The following ST6GALNAC3 variants were observed in gnomAD, a reference collection of about 807,000 sequenced individuals.
ST6GALNAC3 encodes the protein alpha-N-acetylgalactosaminide alpha-2,6-sialyltransferase 3.
Under a neutral mutation model 32.7 loss-of-function variants are expected in ST6GALNAC3, and 25 were observed. That is an observed-to-expected ratio of 0.76 (90% confidence interval 0.56 to 1.07). The LOEUF (loss-of-function observed/expected upper bound fraction) is 1.07, where lower values mean the gene tolerates loss of function less well. Among genes scored for constraint, ST6GALNAC3 ranks in the 50% least tolerant of loss-of-function variants. The pLI is 0.00. For missense variants in ST6GALNAC3, 355 were observed against 382.4 expected (o/e 0.93, Z 0.60); for synonymous variants, 129 against 133.1 (o/e 0.97, Z 0.21).
At chr1:76,578,974 G>A (rs1273077340) in intron 3 of ST6GALNAC3, among the ~76,000 whole-genome samples, 1 of 151,956 alleles carries the variant, frequency 6.6e-6, no homozygotes, top group African/African-American at 2.4e-5. Context: ...GAGCAAGAGT[G>A]AGTTTCTATT....
chr1:76,095,808 C>T (rs1647121627), intron 1 of ST6GALNAC3, among the ~76,000 whole-genome samples: 1 of 152,164 alleles, frequency 6.6e-6, no homozygotes, highest in Non-Finnish European at 1.5e-5. Flanking sequence ...TGTCCTCCCT[C>T]ATCTCCACTC....
At chr1:76,218,029 C>T (rs1179668572) in intron 1 of ST6GALNAC3, among the ~76,000 whole-genome samples, 1 of 151,756 alleles carries the variant, frequency 6.6e-6, no homozygotes, top group Non-Finnish European at 1.5e-5. Flanking sequence ...TAGGTAGATA[C>T]CCAGGAGTGG....
At chr1:76,474,808 A>T (rs533039513) in intron 3 of ST6GALNAC3, among the ~76,000 whole-genome samples, 1 of 152,244 alleles carries the variant, frequency 6.6e-6, no homozygotes, top group South Asian at 2.1e-4. Context: ...TTGTGAAGAG[A>T]AAAAGCCAAC....
intron 1 of ST6GALNAC3, among the ~76,000 whole-genome samples, chr1:76,106,213 G>A (rs1046706661): frequency 6.6e-6 from 1 of 152,096 alleles, no homozygotes; most frequent in African/African-American, 2.4e-5. Flanking sequence ...GAAATCCAAT[G>A]GGAAATTTTT....
chr1:76,545,268 C>T (rs914199824), intron 3 of ST6GALNAC3, among the ~76,000 whole-genome samples: 9 of 152,314 alleles, frequency 5.9e-5, no homozygotes, highest in African/African-American at 1.9e-4. Flanking sequence ...ATTGCAAAAT[C>T]TGTGTCTATG....
At chr1:76,170,399 C>T (rs1652410801) in intron 1 of ST6GALNAC3, among the ~76,000 whole-genome samples, 1 of 152,132 alleles carries the variant, frequency 6.6e-6, no homozygotes, top group South Asian at 2.1e-4. Context: ...CAGATGCAGG[C>T]CTGGGTGCCT....
intron 1 of ST6GALNAC3, among the ~76,000 whole-genome samples, chr1:76,191,852 A>G (rs1227840212): frequency 6.6e-6 from 1 of 151,626 alleles, no homozygotes; most frequent in Non-Finnish European, 1.5e-5. Flanking sequence ...GTATTGAGGA[A>G]ACTGGAAAAT....
Position 76,633,738 on chromosome 1 carries a change from C to T in ST6GALNAC3, c.*4932C>T, listed in dbSNP as rs1453004836. The stretch of plus-strand genomic sequence containing the variant: ...GTGACCTTTGAGCCCAGATACCCTT[C>T]TAGAAGGTGAATGAAAGCCCCACAT... On this transcript the variant is annotated 3_prime_UTR_variant, in exon 5 of 5. Transcript: ENST00000328299. 6.6e-6 allele frequency: 1 copy of T among 152,180 alleles called. No individual in the cohort carries two copies. The highest frequency in any genetic ancestry group is 1.9e-4 in the East Asian group (1 of 5,200). 9.4% of individuals were successfully genotyped at this position (152,180 alleles called of 1,614,324 possible). A position where few individuals can be genotyped will look rare whatever the true frequency, so the allele number is the denominator to read the frequency against.
intron 3 of ST6GALNAC3, among the ~76,000 whole-genome samples, chr1:76,453,742 T>C (rs1657570726): frequency 6.6e-6 from 1 of 152,172 alleles, no homozygotes; most frequent in South Asian, 2.1e-4. Context: ...ATAAATAGAA[T>C]GTATATTCTG....
chr1:76,628,290 C>G (rs1649101989), intron 4 of ST6GALNAC3, among the ~76,000 whole-genome samples: 2 of 151,954 alleles, frequency 1.3e-5, no homozygotes, highest in Non-Finnish European at 2.9e-5. Flanking sequence ...CAATATCTTA[C>G]TGTGAAAAAT....
intron 3 of ST6GALNAC3, among the ~76,000 whole-genome samples, chr1:76,550,380 G>A (rs6675095): frequency 0.81 from 122,751 of 152,082 alleles, 49,565 homozygotes; most frequent in Middle Eastern, 0.87. Context: ...TGCTGCATAG[G>A]TAACTAGTCA....
intron 1 of ST6GALNAC3, among the ~76,000 whole-genome samples, chr1:76,290,151 C>T (rs778324264): frequency 6.6e-6 from 1 of 152,352 alleles, no homozygotes; most frequent in Admixed American, 6.5e-5. Flanking sequence ...GCCCCATGAG[C>T]CACATCTGGT....
intron 1 of ST6GALNAC3, among the ~76,000 whole-genome samples, chr1:76,292,023 A>G (rs1415969819): frequency 6.6e-6 from 1 of 152,228 alleles, no homozygotes; most frequent in Non-Finnish European, 1.5e-5. Flanking sequence ...GGGGAGATTT[A>G]TGGCCAAAAG....
At chr1:76,308,403 C>T (rs1422564713) in intron 1 of ST6GALNAC3, among the ~76,000 whole-genome samples, 1 of 152,060 alleles carries the variant, frequency 6.6e-6, no homozygotes, top group Non-Finnish European at 1.5e-5. Context: ...TGCATATATG[C>T]CATTTTTTTG....
At position 76,539,504 on chromosome 1, in the gene ST6GALNAC3, A is replaced by G. The variant is rs573519202; in HGVS notation, c.624-87948A>G. Among the ~76,000 whole-genome samples, 26 of 152,360 alleles carry G rather than the reference A, an allele frequency of 1.7e-4. 1 individual carries two copies. Among genetic ancestry groups the G allele is most frequent in the African/African-American group, 6.3e-4 (26 of 41,590 alleles). ...CCAAAAGCAATGGTAACAAAAGCCAAAATTGACAAATGGGATCTAATTAAA... is the reference window on the plus strand; with the variant it reads ...CCAAAAGCAATGGTAACAAAAGCCAGAATTGACAAATGGGATCTAATTAAA... On this transcript the variant is annotated intron_variant, in intron 3 of 4. Transcript: ENST00000328299.
At chr1:76,599,813 T>G (rs1647194365) in intron 3 of ST6GALNAC3, among the ~76,000 whole-genome samples, 1 of 151,890 alleles carries the variant, frequency 6.6e-6, no homozygotes, top group Non-Finnish European at 1.5e-5. Flanking sequence ...CATCACAATT[T>G]ATTGTTTTGG....
At chr1:76,089,712 A>C (rs1270424422) in intron 1 of ST6GALNAC3, among the ~76,000 whole-genome samples, 1 of 152,054 alleles carries the variant, frequency 6.6e-6, no homozygotes. Flanking sequence ...GGTAGAGTCA[A>C]CTCTTGACAT....
chr1:76,337,314 G>A (rs1647572514), intron 2 of ST6GALNAC3, among the ~76,000 whole-genome samples: 1 of 152,206 alleles, frequency 6.6e-6, no homozygotes, highest in Admixed American at 6.5e-5. Flanking sequence ...CTGGCCCAGA[G>A]GCAAGAGGGG....
At chr1:76,412,528 T>A in intron 3 of ST6GALNAC3, 111 bp downstream of exon 3, 1 of 1,175,696 alleles carries the variant, frequency 8.5e-7, no homozygotes, top group Non-Finnish European at 1.2e-6. Context: ...ACGCTGATTG[T>A]TATATGTTTT....
Sources: allele counts gnomAD v4.1 joint callset (sites outside exome capture counted in the v4.1 genomes callset), GRCh38; gene constraint gnomAD v4.1.1; transcripts MANE v1.5; gene names NCBI Gene and HGNC (gene_info 2026-07-23, HGNC 2026-07-21).